The following ASS1 variants were observed in gnomAD, a reference collection of about 807,000 sequenced individuals.
ASS1 encodes the protein argininosuccinate synthase 1, also known as argininosuccinate synthase.
In ASS1, 58 loss-of-function variants were observed where a neutral mutation model predicts 60.5. That is an observed-to-expected ratio of 0.96 (90% CI 0.78 to 1.19). The LOEUF (loss-of-function observed/expected upper bound fraction) is 1.19, where lower values mean the gene tolerates loss of function less well. Ranked by LOEUF, ASS1 falls within the 50% of genes most tolerant of loss-of-function variation. The pLI, the probability that ASS1 is intolerant of heterozygous loss-of-function variation, is 0.00. For missense variants in ASS1, 454 were observed against 547.3 expected (o/e 0.83, Z 1.70); for synonymous variants, 200 against 206.9 (o/e 0.97, Z 0.29).
At chr9:130,453,723 C>T (rs1845376021) in intron 2 of ASS1, among the ~76,000 whole-genome samples, 1 of 152,318 alleles carries the variant, frequency 6.6e-6, no homozygotes, top group Middle Eastern at 3.4e-3. Flanking sequence ...AGGATCTGGG[C>T]AGCAGGCCAG....
In ASS1 at chr9:130,469,108, C is replaced by T. The variant is rs193064513; in HGVS notation, c.496-1726C>T. 1.1e-3 allele frequency among the ~76,000 whole-genome samples: 168 copies of T among 152,314 alleles called. 1 individual carries two copies. Among genetic ancestry groups the T allele is most frequent in the Middle Eastern group, 3.4e-3 (1 of 294 alleles). ...AAACAGAGGCTCCACGGAGCCTGGC[C>T]GGCTGCTCTTCTTAGCACCCAGCTG... On this transcript the variant is annotated intron_variant, in intron 6 of 14. Coordinates refer to ENST00000352480, the MANE Select transcript of ASS1 (RefSeq NM_054012.4).
intron 3 of ASS1, among the ~76,000 whole-genome samples, chr9:130,455,500 C>T (rs1335573696): frequency 1.3e-5 from 2 of 152,246 alleles, no homozygotes; most frequent in Non-Finnish European, 2.9e-5. Flanking sequence ...TGTCCATCAT[C>T]CCCCTACCTG....
chr9:130,481,937 C>T (rs1441728076), intron 11 of ASS1, among the ~76,000 whole-genome samples: 4 of 152,176 alleles, frequency 2.6e-5, no homozygotes, highest in Non-Finnish European at 5.9e-5. Flanking sequence ...CCTATATTAA[C>T]ATGTGATTAG....
chr9:130,487,071 A>G (rs1846320072), intron 11 of ASS1, among the ~76,000 whole-genome samples: 1 of 152,172 alleles, frequency 6.6e-6, no homozygotes, highest in African/African-American at 2.4e-5. Context: ...CTCATTTGTA[A>G]AACTGGTGTG....
chr9:130,461,455 T>C (rs1246469814), intron 4 of ASS1, among the ~76,000 whole-genome samples: 3 of 128,312 alleles, frequency 2.3e-5, no homozygotes, highest in East Asian at 5.3e-4. Context: ...CAGGGCGTGG[T>C]TCTGAGGAGA....
At chr9:130,445,384 G>C (rs921650294) in intron 1 of ASS1, among the ~76,000 whole-genome samples, 1 of 152,078 alleles carries the variant, frequency 6.6e-6, no homozygotes. Context: ...GGAGCGTGTG[G>C]GGGGGCTCCC....
intron 1 of ASS1, among the ~76,000 whole-genome samples, chr9:130,448,358 T>C (rs1845241987): frequency 6.6e-6 from 1 of 151,618 alleles, no homozygotes. Context: ...ATCACACACA[T>C]GCATGCACAC....
intron 2 of ASS1, among the ~76,000 whole-genome samples, 161 bp downstream of exon 2, chr9:130,452,494 A>G (rs1314687935): frequency 1.3e-5 from 2 of 152,162 alleles, no homozygotes; most frequent in Non-Finnish European, 2.9e-5. Flanking sequence ...AACTAGGAAA[A>G]TAGCTTCTCG....
chr9:130,467,692 T>C (rs1845778117), intron 6 of ASS1, among the ~76,000 whole-genome samples: 1 of 152,186 alleles, frequency 6.6e-6, no homozygotes, highest in South Asian at 2.1e-4. Flanking sequence ...CCAAACAAAT[T>C]GTCAAATAGC....
intron 5 of ASS1, 136 bp from the exon 6 acceptor site, chr9:130,466,589 C>A: frequency 1.2e-6 from 1 of 830,150 alleles, no homozygotes; most frequent in Non-Finnish European, 2.0e-6. Flanking sequence ...CTCTCACCCT[C>A]ACAACAGCAT....
At chr9:130,466,051 C>T (rs1845732389) in intron 5 of ASS1, among the ~76,000 whole-genome samples, 1 of 152,240 alleles carries the variant, frequency 6.6e-6, no homozygotes, top group Non-Finnish European at 1.5e-5. Flanking sequence ...GGGCCCCTTC[C>T]ATTGCCCTGC....
chr9:130,473,827 A>G (rs1845934874), intron 8 of ASS1, among the ~76,000 whole-genome samples: 1 of 152,198 alleles, frequency 6.6e-6, no homozygotes, highest in Non-Finnish European at 1.5e-5. Context: ...TACTTGCTTT[A>G]ACTTCATACG....
At chr9:130,453,617 TA>T (rs1845374527) in intron 2 of ASS1, among the ~76,000 whole-genome samples, 1 of 152,160 alleles carries the variant, frequency 6.6e-6, no homozygotes, top group Non-Finnish European at 1.5e-5. Flanking sequence ...CTGGGGGATT[TA>T]AAAGCTGAAT....
intron 1 of ASS1, among the ~76,000 whole-genome samples, chr9:130,449,740 A>T (rs1845281489): frequency 6.6e-6 from 1 of 152,212 alleles, no homozygotes; most frequent in South Asian, 2.1e-4. Context: ...AGAGAACCCC[A>T]GATGGAAGGG....
At chr9:130,454,977 C>A (rs146428959) in intron 3 of ASS1, among the ~76,000 whole-genome samples, 252 of 146,708 alleles carry the variant, frequency 1.7e-3, no homozygotes, top group Admixed American at 1.4e-3. Flanking sequence ...TCCATCCATC[C>A]TCCGTCCATT....
intron 12 of ASS1, among the ~76,000 whole-genome samples, chr9:130,490,290 T>A (rs1846418360): frequency 6.6e-6 from 1 of 152,070 alleles, no homozygotes; most frequent in South Asian, 2.1e-4. Flanking sequence ...TAAGAATAGT[T>A]TTTACATTTT....
intron 3 of ASS1, among the ~76,000 whole-genome samples, chr9:130,457,127 G>A (rs1676292317): frequency 6.6e-6 from 1 of 152,154 alleles, no homozygotes; most frequent in African/African-American, 2.4e-5. Context: ...GCAAATCTCT[G>A]TAATGTCTGG....
intron 5 of ASS1, among the ~76,000 whole-genome samples, chr9:130,464,700 G>GC (rs1190101190): frequency 6.6e-6 from 1 of 152,138 alleles, no homozygotes; most frequent in Non-Finnish European, 1.5e-5. Context: ...AACCGCCCTG[G>GC]CCCGTGGCAT....
chr9:130,449,214 C>T (rs1224997606), intron 1 of ASS1, among the ~76,000 whole-genome samples: 4 of 151,924 alleles, frequency 2.6e-5, no homozygotes, highest in Non-Finnish European at 5.9e-5. Flanking sequence ...GCCTGTAGTC[C>T]CAGCTACTTG....
Sources: allele counts gnomAD v4.1 joint callset (sites outside exome capture counted in the v4.1 genomes callset), GRCh38; gene constraint gnomAD v4.1.1; transcripts MANE v1.5; gene names NCBI Gene and HGNC (gene_info 2026-07-23, HGNC 2026-07-21).